The following DMXL1 variants were observed in gnomAD, a reference collection of about 807,000 sequenced individuals.
DMXL1 encodes dmX-like protein 1.
In DMXL1, 99 loss-of-function variants were observed where a neutral mutation model predicts 319.2. That is an observed-to-expected ratio of 0.31 (90% CI 0.26 to 0.37). DMXL1 has a LOEUF of 0.37. Among genes scored for constraint, DMXL1 ranks in the 10% least tolerant of loss-of-function variants. The pLI is 1.00. For synonymous variants in DMXL1, 1,385 were observed against 1,235.2 expected (o/e 1.12, Z -2.54); for missense variants, 3,745 against 3,595.6 (o/e 1.04, Z -1.06).
At chr5:119,246,246 G>A (rs971085135) in intron 43 of DMXL1, among the ~76,000 whole-genome samples, 3 of 152,112 alleles carry the variant, frequency 2.0e-5, no homozygotes, top group Non-Finnish European at 2.9e-5. Context: ...AGGGCCTCTA[G>A]GTGTCAAGTA....
chr5:119,076,349 A>G (rs1388674897), intron 1 of DMXL1, among the ~76,000 whole-genome samples: 1 of 151,868 alleles, frequency 6.6e-6, no homozygotes, highest in Non-Finnish European at 1.5e-5. Context: ...CTTTAAGGAA[A>G]CCTTTATTGG....
intron 9 of DMXL1, among the ~76,000 whole-genome samples, chr5:119,128,895 C>G (rs1037796568): frequency 1.3e-5 from 2 of 151,998 alleles, no homozygotes; most frequent in African/African-American, 4.8e-5. Flanking sequence ...GAAACCCTGT[C>G]TCTACTGAAA....
chr5:119,210,757 G>GTTTTTTTTTTTTTTTTTTTTTTCTTTTTT, intron 34 of DMXL1, among the ~76,000 whole-genome samples: 7 of 89,776 alleles, frequency 7.8e-5, no homozygotes, highest in South Asian at 4.4e-4. Flanking sequence ...TTTTTCTTTC[G>GTTTTTTTTTTTTTTTTTTTTTTCTTTTTT]TTTTTTTTTT....
At position 119,165,277 on chromosome 5, in the gene DMXL1, A is replaced by G. The variant is rs1773170164; in HGVS notation, c.4967A>G (p.Tyr1656Cys). 7.0e-7 allele frequency: 1 copy of G among 1,420,882 alleles called. No homozygotes were observed. Among genetic ancestry groups the G allele is most frequent in the Non-Finnish European group, 9.7e-7 (1 of 1,035,834 alleles). The allele number at this position is 1,420,882 out of a possible 1,614,324, so 88.0% of individuals were successfully genotyped here. Residue 1656 changes from tyrosine to cysteine, a missense_variant, in exon 21 of 44, where the codon TAT becomes TGT. By Grantham distance (194) the Tyr-to-Cys change is radical. Around this residue, in one of 4 missense-constraint regions of DMXL1, gnomAD observed 2,096 missense variants for 1,985.4 expected, o/e 1.06. Coordinates refer to ENST00000539542, the MANE Select transcript of DMXL1 (RefSeq NM_001290321.3). ...MKKKAVIWGL[Y>C]RAEKNTRMTQ... ...AAGAAAGCTGTGATTTGGGGATTAT[A>G]TAGGTAGGTAAAAAAAAAAAAAAAA... is the stretch of plus-strand genomic sequence containing the variant.
intron 25 of DMXL1, among the ~76,000 whole-genome samples, chr5:119,172,684 A>G (rs1774830088): frequency 6.6e-6 from 1 of 152,136 alleles, no homozygotes; most frequent in Non-Finnish European, 1.5e-5. Context: ...ACATATTGAA[A>G]TCCTTTGAAG....
chr5:119,218,592 G>A (rs1581391320), intron 35 of DMXL1, among the ~76,000 whole-genome samples: 1 of 152,114 alleles, frequency 6.6e-6, no homozygotes, highest in Non-Finnish European at 1.5e-5. Context: ...AAGTAGCTGG[G>A]ACTACAGGTG....
chr5:119,146,039 A>G (rs1304540330), intron 15 of DMXL1, among the ~76,000 whole-genome samples: 2 of 151,774 alleles, frequency 1.3e-5, no homozygotes, highest in African/African-American at 4.8e-5. Context: ...CTTTTCATTT[A>G]GTCTCTCAAT....
At position 119,171,901 on chromosome 5, in the gene DMXL1, A is replaced by T. The variant is rs994138424; in HGVS notation, c.6613A>T (p.Thr2205Ser). The T allele has an allele frequency of 1.9e-6, 3 of 1,613,952 alleles. No homozygotes were observed. The highest frequency in any genetic ancestry group is 2.5e-6 in the Non-Finnish European group (3 of 1,179,878). The change falls in exon 25 of 44, where the codon ACA (threonine) becomes TCA (serine). Residue 2205 changes from threonine to serine, a missense_variant. Physicochemically the swap from Thr to Ser is moderately conservative, Grantham distance 58. This residue lies in a region of DMXL1 where 1,382 missense variants were observed against 1,269.5 expected (regional missense o/e 1.09). Transcript: ENST00000539542. ...TCCATTATTGCACCTTAGTAATCTG[A>T]CACATGATATTCTCCATGCCATAAT... ...ANPLLHLSNL[T>S]HDILHAIINF...
At chr5:119,153,642 G>A (rs1420192585) in intron 19 of DMXL1, among the ~76,000 whole-genome samples, 4 of 152,092 alleles carry the variant, frequency 2.6e-5, no homozygotes, top group Admixed American at 1.3e-4. Flanking sequence ...AATTGTATTC[G>A]ATTCCACAGA....
intron 28 of DMXL1, among the ~76,000 whole-genome samples, chr5:119,188,715 C>G (rs981908838): frequency 1.3e-5 from 2 of 152,180 alleles, no homozygotes; most frequent in Admixed American, 1.3e-4. Flanking sequence ...TTAGTAATCT[C>G]TTAGAATACT....
At chr5:119,213,290 G>T (rs536062080) in intron 34 of DMXL1, among the ~76,000 whole-genome samples, 1 of 152,136 alleles carries the variant, frequency 6.6e-6, no homozygotes, top group East Asian at 1.9e-4. Context: ...TCTAATTTCT[G>T]CTCTGTATGC....
At chr5:119,167,897 G>T (rs1328614532) in intron 23 of DMXL1, 33 bp downstream of exon 23, 2 of 1,589,948 alleles carry the variant, frequency 1.3e-6, no homozygotes, top group South Asian at 1.1e-5. Flanking sequence ...TAATGATTAA[G>T]AATATTATTG....
At chr5:119,203,123 T>C (rs1225181047) in intron 32 of DMXL1, among the ~76,000 whole-genome samples, 196 bp from the exon 33 acceptor site, 1 of 151,962 alleles carries the variant, frequency 6.6e-6, no homozygotes, top group East Asian at 1.9e-4. Context: ...AGAGACCATA[T>C]GGTCCACAAA....
intron 19 of DMXL1, among the ~76,000 whole-genome samples, chr5:119,162,216 G>T (rs1365113931): frequency 2.0e-5 from 3 of 152,188 alleles, no homozygotes; most frequent in African/African-American, 7.2e-5. Flanking sequence ...TGCAGTTTTT[G>T]TTTGGTTCTG....
At chr5:119,083,439 G>A (rs1336585589) in intron 1 of DMXL1, among the ~76,000 whole-genome samples, 1 of 152,094 alleles carries the variant, frequency 6.6e-6, no homozygotes, top group Non-Finnish European at 1.5e-5. Context: ...GAATAGTGCT[G>A]CAAAAACATG....
Position 119,237,379 on chromosome 5 carries a change from T to G in DMXL1, c.8524T>G (p.Cys2842Gly), listed in dbSNP as rs754011604. ...LSLYQTNWKC[C>G]PVTGSMPKPY... ...TTTGTATCAAACAAACTGGAAATGT[T>G]GTCCAGTTACTGGAAGCATGCCTAA... is the stretch of plus-strand genomic sequence containing the variant. The change falls in exon 40 of 44, where the codon TGT (cysteine) becomes GGT (glycine). Residue 2842 changes from cysteine to glycine, a missense_variant. Cys to Gly is a radical substitution (Grantham distance 159). This residue lies in a region of DMXL1 where 262 missense variants were observed against 320.5 expected (regional missense o/e 0.82). Coordinates refer to ENST00000539542, the MANE Select transcript of DMXL1 (RefSeq NM_001290321.3). The G allele has an allele frequency of 7.5e-6, 12 of 1,605,624 alleles. No individual in the cohort carries two copies. The South Asian group carries it at 1.1e-4, about 15-fold the overall frequency.
chr5:119,153,867 C>T (rs951664379), intron 19 of DMXL1, among the ~76,000 whole-genome samples: 1 of 152,166 alleles, frequency 6.6e-6, no homozygotes, highest in African/African-American at 2.4e-5. Context: ...TTGTGGCAAC[C>T]GTTTGTTGAG....
chr5:119,132,703 CT>C, intron 10 of DMXL1: 1 of 473,488 alleles, frequency 2.1e-6, no homozygotes. Context: ...GAGCAAGTCC[CT>C]TTTCTGGGTT....
chr5:119,131,559 C>A (rs1278464002), intron 10 of DMXL1, among the ~76,000 whole-genome samples: 2 of 152,198 alleles, frequency 1.3e-5, no homozygotes, highest in African/African-American at 4.8e-5. Context: ...TTTAAAAACT[C>A]AGTCCCAATT....
Sources: allele counts gnomAD v4.1 joint callset (sites outside exome capture counted in the v4.1 genomes callset), GRCh38; gene constraint gnomAD v4.1.1; regional missense constraint gnomAD v4.1.1; transcripts MANE v1.5; gene names NCBI Gene and HGNC (gene_info 2026-07-23, HGNC 2026-07-21).